Variants in NPR2 observed in about 807,000 individuals in gnomAD.
NPR2 encodes atrial natriuretic peptide receptor 2.
In NPR2, 49 loss-of-function variants were observed where a neutral mutation model predicts 120.7. The observed-to-expected ratio is 0.41, with a 90% CI of 0.32 to 0.52. The LOEUF (loss-of-function observed/expected upper bound fraction) is 0.52. Ranked by LOEUF, NPR2 falls within the 20% of genes least tolerant of loss-of-function variation. The pLI, the probability that NPR2 is intolerant of heterozygous loss-of-function variation, is 0.36. For synonymous variants in NPR2, 484 were observed against 519.8 expected, an observed-to-expected ratio of 0.93 and a Z score of 0.94; for missense variants, 931 against 1,362.9, an observed-to-expected ratio of 0.68 and a Z score of 4.99.
Position 35,805,724 on chromosome 9 carries a change from G to C in NPR2, c.2047+54G>C. ...TATATTGCTCCTCTTTCCACCTAGG[G>C]ATGGTGGGAGAGGGAGGTGGAGTGA... On this transcript the variant is annotated intron_variant, in intron 13 of 21. Coordinates refer to ENST00000342694, the MANE Select transcript of NPR2 (RefSeq NM_003995.4). The surrounding 1 kb of genome is among the most constrained non-coding windows in gnomAD (Gnocchi z 4.9). The C allele has an allele frequency of 6.2e-7, 1 of 1,608,092 alleles. No homozygotes were observed. Among genetic ancestry groups the C allele is most frequent in the Non-Finnish European group, 8.5e-7 (1 of 1,174,980 alleles).
In NPR2 at chr9:35,805,084, G is replaced by A. The variant is rs1354780311; in HGVS notation, c.1888-427G>A. Among the ~76,000 whole-genome samples, 1 of 152,156 alleles carries A rather than the reference G, an allele frequency of 6.6e-6. No individual in the cohort carries two copies. Among genetic ancestry groups the A allele is most frequent in the Non-Finnish European group, 1.5e-5 (1 of 68,034 alleles). The stretch of plus-strand genomic sequence containing the variant: ...TAAAGTTTACAACTGGTCTTCCTTG[G>A]TATATCCAGCTACTCTTGATACCTG... On this transcript the variant is annotated intron_variant, in intron 12 of 21. Transcript: ENST00000342694. The surrounding 1 kb of genome is among the most constrained non-coding windows in gnomAD (Gnocchi z 4.9).
In NPR2 at chr9:35,792,535, C is replaced by A. The variant is rs1258275667; in HGVS notation, c.127C>A (p.Pro43Thr). Residue 43 changes from proline to threonine, a missense_variant, in exon 1 of 22, where the codon CCA becomes ACA. Pro to Thr is a conservative substitution (Grantham distance 38). Transcript: ENST00000342694. Reference sequence around the variant, plus strand: ...CAACCTGAGCTATGCCTGGGCCTGGCCACGGGTGGGACCCGCTGTGGCACT... The same window carrying A: ...CAACCTGAGCTATGCCTGGGCCTGGACACGGGTGGGACCCGCTGTGGCACT... Reference protein sequence around the residue: ...EHNLSYAWAWPRVGPAVALAV... With the variant: ...EHNLSYAWAWTRVGPAVALAV... The A allele has an allele frequency of 6.2e-7, 1 of 1,611,052 alleles. No individual in the cohort carries two copies. Among genetic ancestry groups the A allele is most frequent in the African/African-American group, 1.3e-5 (1 of 74,930 alleles).
At position 35,800,617 on chromosome 9, in the gene NPR2, T is replaced by C; in HGVS notation, c.1219-92T>C. ...CTGGCACTGCATCCTGGCTGGGTGG[T>C]AGGCTGGGGAGAAAAGCAGCGAAAC... On this transcript the variant is annotated intron_variant, in intron 5 of 21. Coordinates refer to ENST00000342694, the MANE Select transcript of NPR2 (RefSeq NM_003995.4). This position sits in a 1 kb window ranked among gnomAD's most constrained non-coding sequence, Gnocchi z 4.7. The C allele has an allele frequency of 6.2e-7, 1 of 1,605,108 alleles. No homozygotes were observed. The highest frequency in any genetic ancestry group is 1.1e-5 in the South Asian group (1 of 90,814).
At position 35,795,343 on chromosome 9, in the gene NPR2, C is replaced by T. The variant is rs560886443; in HGVS notation, c.873+1240C>T. On this transcript the variant is annotated intron_variant, in intron 2 of 21. Transcript: ENST00000342694. ...TACCCATGAATCTTCCCGATTCCCC[C>T]GCCACTTTTTTACTAACCGTGCATA... Among the ~76,000 whole-genome samples the T allele has an allele frequency of 1.1e-4, 17 of 152,304 alleles. No homozygotes were observed. The East Asian group carries it at 2.9e-3, about 26-fold the overall frequency.
At chr9:35,807,285 AAT>A (rs749504205) in intron 17 of NPR2, 43 bp from the exon 18 acceptor site, 6 of 1,553,950 alleles carry the variant, frequency 3.9e-6, no homozygotes, top group Non-Finnish European at 5.3e-6. Flanking sequence ...ATTCTTAGAA[AAT>A]TGGGCACAAG....
chr9:35,804,566 G>T (rs1175243297), intron 12 of NPR2, among the ~76,000 whole-genome samples: 1 of 152,278 alleles, frequency 6.6e-6, no homozygotes, highest in African/African-American at 2.4e-5. Flanking sequence ...CGGAGGCAAA[G>T]GTTTTTCCCT....
Position 35,808,728 on chromosome 9 carries a change from A to G in NPR2, c.2888-27A>G, listed in dbSNP as rs371131262. 4 of 1,611,716 alleles carry G rather than the reference A, an allele frequency of 2.5e-6. No individual in the cohort carries two copies. In the East Asian group the frequency reaches 8.9e-5, roughly 36 times the overall value. ...CAGCCCTAGTCTCCACCTTTCCCAG[A>G]CTCTCCCAACCTGTTTCTTCTCAAA... On this transcript the variant is annotated intron_variant, in intron 19 of 21. Coordinates refer to ENST00000342694, the MANE Select transcript of NPR2 (RefSeq NM_003995.4). The surrounding 1 kb of genome is among the most constrained non-coding windows in gnomAD (Gnocchi z 4.0).
At chr9:35,794,408 C>T (rs1827884436) in intron 2 of NPR2, among the ~76,000 whole-genome samples, 1 of 152,182 alleles carries the variant, frequency 6.6e-6, no homozygotes, top group Non-Finnish European at 1.5e-5. Context: ...CTGATCCTAG[C>T]CCTTGGGTGG....
intron 2 of NPR2, 144 bp downstream of exon 2, chr9:35,794,247 A>G: frequency 1.3e-6 from 1 of 741,492 alleles, no homozygotes; most frequent in South Asian, 1.9e-5. Flanking sequence ...TTCTGAGTCT[A>G]GTGTCACCCT....
chr9:35,793,421 G>C (rs1443373039), intron 1 of NPR2, among the ~76,000 whole-genome samples: 1 of 152,192 alleles, frequency 6.6e-6, no homozygotes, highest in Non-Finnish European at 1.5e-5. Flanking sequence ...CCCTGTCTGT[G>C]ATCAGAGCTA....
rs369386073 is a variant in NPR2 at position 35,801,989 on chromosome 9, G to A, written c.1621G>A (p.Gly541Ser). The change falls in exon 9 of 22, where the codon GGT becomes AGT. Residue 541 changes from glycine to serine, a missense_variant. Physicochemically the swap from Gly to Ser is moderately conservative, Grantham distance 56. Transcript: ENST00000342694. Reference sequence around the variant, plus strand: ...GAAATACCAGATCTTTGCCAACACCGGTCACTTCAAGGTGAACAGTCATTT... The same window carrying A: ...GAAATACCAGATCTTTGCCAACACCAGTCACTTCAAGGTGAACAGTCATTT... ...HGKYQIFANT[G>S]HFKGNVVAIK... 8.2e-5 allele frequency: 132 copies of A among 1,613,826 alleles called. 2 individuals carry two copies. In the South Asian group the frequency reaches 8.2e-4, roughly 10 times the overall value.
chr9:35,806,966 C>A lies in NPR2; in HGVS notation c.2520-57C>A. 1 of 1,600,038 alleles carries A rather than the reference C, an allele frequency of 6.2e-7. No homozygotes were observed. The highest frequency in any genetic ancestry group is 8.6e-7 in the Non-Finnish European group (1 of 1,168,146). On this transcript the variant is annotated intron_variant, in intron 16 of 21. Transcript: ENST00000342694. This position sits in a 1 kb window ranked among gnomAD's most constrained non-coding sequence, Gnocchi z 4.6. ...TGCTGCAGCCACATACACTTTCCCTCTCTCTTCCACTCCTGCTCTCTTGGA... is the reference window on the plus strand; with the variant it reads ...TGCTGCAGCCACATACACTTTCCCTATCTCTTCCACTCCTGCTCTCTTGGA...
Position 35,802,711 on chromosome 9 carries a change from C to CTAT in NPR2, c.1816-19_1816-17dup, listed in dbSNP as rs753479030. The CTAT allele has an allele frequency of 6.9e-6, 11 of 1,586,890 alleles. No homozygotes were observed. The African/African-American group carries it at 1.2e-4, about 17-fold the overall frequency. On this transcript the variant is annotated intron_variant, in intron 11 of 21. Transcript: ENST00000342694. The surrounding 1 kb of genome is among the most constrained non-coding windows in gnomAD (Gnocchi z 4.2). Reference sequence around the variant, plus strand: ...AGCTGGTGGGACCAGGACAGACAGTCTATTCCATGTCACTTACCAGGATAT... The same window carrying CTAT: ...AGCTGGTGGGACCAGGACAGACAGTCTATTATTCCATGTCACTTACCAGGATAT...
In NPR2 at chr9:35,792,301, T is replaced by A; in HGVS notation, c.-108T>A. On this transcript the variant is annotated 5_prime_UTR_variant, in exon 1 of 22. Transcript: ENST00000342694. ...CCCAGCCTACCTAGCCTACTCCTCC[T>A]CTTCCTGGCCCTCTTCCCCAGGCTC... 8.7e-7 allele frequency: 1 copy of A among 1,145,966 alleles called. No homozygotes were observed. Among genetic ancestry groups the A allele is most frequent in the Non-Finnish European group, 1.2e-6 (1 of 844,220 alleles). 71.0% of individuals were successfully genotyped at this position (1,145,966 alleles called of 1,614,324 possible).
rs1436401265 is a variant in NPR2 at position 35,793,974 on chromosome 9, G to A, written c.744G>A (p.Gly248=). The change falls in exon 2 of 22, where the codon GGG becomes GGA. Residue 248 remains glycine (G), a synonymous_variant. Coordinates refer to ENST00000342694, the MANE Select transcript of NPR2 (RefSeq NM_003995.4). ...CCCAGAGGGAGAATCTGACCAATGG[G>A]GATTATGTCTTCTTTTACCTGGATG... ...LQAQRENLTN[G]DYVFFYLDVF... 2 of 1,614,060 alleles carry A rather than the reference G, an allele frequency of 1.2e-6. No homozygotes were observed. Among genetic ancestry groups the A allele is most frequent in the Admixed American group, 1.7e-5 (1 of 60,014 alleles).
At chr9:35,801,817 T>C in intron 8 of NPR2, 54 bp downstream of exon 8, 1 of 1,612,774 alleles carries the variant, frequency 6.2e-7, no homozygotes, top group Non-Finnish European at 8.5e-7. Context: ...CTGTCCCTTC[T>C]TACCCTGGAT....
At chr9:35,803,419 CTT>C (rs1479520129) in intron 12 of NPR2, among the ~76,000 whole-genome samples, 12 of 152,324 alleles carry the variant, frequency 7.9e-5, no homozygotes, top group African/African-American at 2.4e-4. Flanking sequence ...ATATTTATCT[CTT>C]GTTTTTCCTC....
chr9:35,794,048 C>G lies in NPR2; in HGVS notation c.818C>G (p.Pro273Arg). The G allele has an allele frequency of 1.2e-6, 2 of 1,614,198 alleles. No homozygotes were observed. The highest frequency in any genetic ancestry group is 1.7e-6 in the Non-Finnish European group (2 of 1,180,036). Reference protein sequence around the residue: ...RAGPTRATGRPWQDNRTREQA... With the variant: ...RAGPTRATGRRWQDNRTREQA... The stretch of plus-strand genomic sequence containing the variant: ...GGCCCCACACGTGCTACAGGCCGGC[C>G]CTGGCAGGACAATCGCACCCGGGAA... Residue 273 changes from proline to arginine, a missense_variant, in exon 2 of 22, where the codon CCC becomes CGC. This residue lies in a region of NPR2 where 681 missense variants were observed against 974.3 expected (regional missense o/e 0.70). Coordinates refer to ENST00000342694, the MANE Select transcript of NPR2 (RefSeq NM_003995.4).
In NPR2 at chr9:35,792,720, T is replaced by C. The variant is rs886063910; in HGVS notation, c.312T>C (p.Pro104=). The C allele has an allele frequency of 1.9e-6, 3 of 1,614,032 alleles. No homozygotes were observed. The highest frequency in any genetic ancestry group is 1.3e-5 in the African/African-American group (1 of 74,934). Reference sequence around the variant, plus strand: ...TGTTAGGTCCCGGTTGCGTGTACCCTGCTGCCTCTGTGGCCCGCTTTGCCT... The same window carrying C: ...TGTTAGGTCCCGGTTGCGTGTACCCCGCTGCCTCTGTGGCCCGCTTTGCCT... ...DLLLGPGCVY[P]AASVARFASH... is the part of the protein sequence containing the mutation. Residue 104 remains proline (P), a synonymous_variant, in exon 1 of 22, where the codon CCT becomes CCC. Coordinates refer to ENST00000342694, the MANE Select transcript of NPR2 (RefSeq NM_003995.4).
Sources: gnomAD v4.1 joint callset for allele counts (sites outside exome capture counted in the v4.1 genomes callset) on GRCh38, gnomAD v4.1.1 for gene constraint, gnomAD v4.1.1 regional missense constraint, Gnocchi (gnomAD v3.1) non-coding constraint, MANE v1.5 for transcripts, NCBI Gene and HGNC (gene_info 2026-07-23, HGNC 2026-07-21) for gene names.